Variants in LRRFIP1 observed in about 807,000 individuals in gnomAD.
The protein encoded by LRRFIP1 is LRR binding FLII interacting protein 1, also known as leucine-rich repeat flightless-interacting protein 1.
In LRRFIP1, 62 loss-of-function variants were observed where a neutral mutation model predicts 104.4. The observed-to-expected ratio is 0.59, with a 90% confidence interval of 0.48 to 0.73. LRRFIP1 has a LOEUF of 0.73. Ranked by LOEUF, LRRFIP1 falls within the 30% of genes least tolerant of loss-of-function variation. LRRFIP1 has a pLI of 0.00. For synonymous variants in LRRFIP1, 300 were observed against 299.0 expected (o/e 1.00, Z -0.03); for missense variants, 796 against 824.5 (o/e 0.97, Z 0.42).
At chr2:237,748,064 A>G (rs1423760013) in intron 11 of LRRFIP1, among the ~76,000 whole-genome samples, 4 of 152,144 alleles carry the variant, frequency 2.6e-5, no homozygotes, top group African/African-American at 9.7e-5. Flanking sequence ...TCCGTTCCTC[A>G]TGTGCACCCT....
At chr2:237,771,166 C>T (rs1344779553) in intron 20 of LRRFIP1, among the ~76,000 whole-genome samples, 1 of 152,044 alleles carries the variant, frequency 6.6e-6, no homozygotes, top group Admixed American at 6.5e-5. Flanking sequence ...ATGAAAAGCC[C>T]CCGGAGACCC....
intron 21 of LRRFIP1, 43 bp downstream of exon 21, chr2:237,772,241 G>C: frequency 6.8e-7 from 1 of 1,465,344 alleles, no homozygotes; most frequent in Non-Finnish European, 9.6e-7. Flanking sequence ...TTTCACATGT[G>C]CTGTTTTAGT....
Position 237,627,639 on chromosome 2 carries a change from C to A in LRRFIP1, c.-6C>A. 7.6e-7 allele frequency: 1 copy of A among 1,313,872 alleles called. No homozygotes were observed. The highest frequency in any genetic ancestry group is 9.8e-7 in the Non-Finnish European group (1 of 1,018,838). The allele number at this position is 1,313,872 out of a possible 1,614,324, so 81.4% of individuals were successfully genotyped here. Reference sequence around the variant, plus strand: ...GGCCCCGCGGCAGCTGCGGGCGACGCGGTCGATGGACATGGGCACCCAGGG... The same window carrying A: ...GGCCCCGCGGCAGCTGCGGGCGACGAGGTCGATGGACATGGGCACCCAGGG... On this transcript the variant is annotated 5_prime_UTR_variant, in exon 1 of 24. Coordinates refer to ENST00000308482, the MANE Select transcript of LRRFIP1 (RefSeq NM_001137550.2).
chr2:237,763,546 A>T, intron 19 of LRRFIP1: 1 of 1,613,290 alleles, frequency 6.2e-7, no homozygotes, highest in Non-Finnish European at 8.5e-7. Context: ...AAGAGCAGGT[A>T]AAGTCTACTG....
chr2:237,741,073 C>G (rs889174480), intron 11 of LRRFIP1, among the ~76,000 whole-genome samples: 5 of 152,190 alleles, frequency 3.3e-5, no homozygotes, highest in African/African-American at 1.2e-4. Context: ...TTGTGTTCCA[C>G]CCCTCCCCAT....
chr2:237,771,389 C>T (rs1178715164), intron 20 of LRRFIP1, among the ~76,000 whole-genome samples: 1 of 151,616 alleles, frequency 6.6e-6, no homozygotes, highest in Admixed American at 6.6e-5. Flanking sequence ...TGCACTGAAT[C>T]CACACAAATG....
intron 1 of LRRFIP1, among the ~76,000 whole-genome samples, chr2:237,642,984 C>T (rs1477114003): frequency 2.0e-5 from 3 of 152,220 alleles, no homozygotes; most frequent in Non-Finnish European, 4.4e-5. Flanking sequence ...GGGATAAATC[C>T]GCCTGCTAAC....
Position 237,735,367 on chromosome 2 carries a change from G to C in LRRFIP1, c.555+34G>C. On this transcript the variant is annotated intron_variant, in intron 10 of 23. Transcript: ENST00000308482. The surrounding 1 kb of genome is among the most constrained non-coding windows in gnomAD (Gnocchi z 4.6). ...CTTTCGGTGATACCTCCTTTCCCCC[G>C]TGCCTGCTGCATGGCCTGGGGATGC... is the stretch of plus-strand genomic sequence containing the variant. 2 of 1,600,426 alleles carry C rather than the reference G, an allele frequency of 1.2e-6. No homozygotes were observed. Among genetic ancestry groups the C allele is most frequent in the Non-Finnish European group, 1.7e-6 (2 of 1,173,440 alleles).
At chr2:237,694,408 A>AG (rs1219358376) in intron 1 of LRRFIP1, among the ~76,000 whole-genome samples, 6 of 151,834 alleles carry the variant, frequency 4.0e-5, no homozygotes. Context: ...GTTCCTGTTA[A>AG]GAGGCTAATG....
chr2:237,773,711 G>A (rs1012362293), intron 22 of LRRFIP1: 1 of 152,318 alleles, frequency 6.6e-6, no homozygotes, highest in Admixed American at 6.5e-5. Context: ...GGCAATTTGT[G>A]TTCTAGCCAG....
chr2:237,725,841 A>G (rs187108129), intron 7 of LRRFIP1, among the ~76,000 whole-genome samples: 4 of 152,360 alleles, frequency 2.6e-5, no homozygotes, highest in African/African-American at 9.6e-5. Flanking sequence ...CTGGAGAACT[A>G]CAGTGCAAAG....
At chr2:237,697,411 A>G (rs2093262467) in intron 1 of LRRFIP1, among the ~76,000 whole-genome samples, 1 of 152,188 alleles carries the variant, frequency 6.6e-6, no homozygotes, top group Non-Finnish European at 1.5e-5. Context: ...ACCATGCTAA[A>G]ATGTTAACTA....
In LRRFIP1 at chr2:237,717,900, C is replaced by A; in HGVS notation, c.249+91C>A. On this transcript the variant is annotated intron_variant, in intron 4 of 23. Coordinates refer to ENST00000308482, the MANE Select transcript of LRRFIP1 (RefSeq NM_001137550.2). This position sits in a 1 kb window ranked among gnomAD's most constrained non-coding sequence, Gnocchi z 4.2. ...AATGGTTTATAATGTAATTCTTACGCAGTTTAACTATGTAGATAGATTCCT... is the reference window on the plus strand; with the variant it reads ...AATGGTTTATAATGTAATTCTTACGAAGTTTAACTATGTAGATAGATTCCT... 2 of 1,000,276 alleles carry A rather than the reference C, an allele frequency of 2.0e-6. No individual in the cohort carries two copies. The highest frequency in any genetic ancestry group is 3.2e-6 in the Non-Finnish European group (2 of 619,424). 62.0% of individuals were successfully genotyped at this position (1,000,276 alleles called of 1,614,324 possible).
intron 9 of LRRFIP1, among the ~76,000 whole-genome samples, chr2:237,734,273 CTTTTTTTTTT>C (rs71870330): frequency 0.041 from 3,722 of 90,528 alleles, 91 homozygotes; most frequent in Middle Eastern, 0.19. Flanking sequence ...TGTTAATAAC[CTTTTTTTTTT>C]TTTTTTTTTT....
intron 19 of LRRFIP1, chr2:237,763,140 T>A: frequency 2.5e-6 from 4 of 1,614,100 alleles, no homozygotes; most frequent in Non-Finnish European, 3.4e-6. Flanking sequence ...GAGAAAGAAT[T>A]CACCAACCAG....
At chr2:237,769,786 C>T (rs1375236935) in intron 19 of LRRFIP1, 157 bp from the exon 20 acceptor site, 2 of 637,080 alleles carry the variant, frequency 3.1e-6, no homozygotes, top group East Asian at 5.6e-5. Flanking sequence ...TGGCCTCATT[C>T]ACCCCGTCCT....
chr2:237,728,010 C>A, intron 8 of LRRFIP1, 75 bp downstream of exon 8: 1 of 1,077,044 alleles, frequency 9.3e-7, no homozygotes, highest in South Asian at 1.5e-5. Context: ...AAACTAATTG[C>A]TAAATTTAAA....
At chr2:237,774,202 G>A (rs1485853696) in intron 22 of LRRFIP1, 156 bp from the exon 23 acceptor site, 4 of 602,368 alleles carry the variant, frequency 6.6e-6, no homozygotes, top group Non-Finnish European at 1.2e-5. Flanking sequence ...TAGCTTGCTT[G>A]GCTCAAACCC....
At chr2:237,653,220 C>A (rs1034139120) in intron 1 of LRRFIP1, among the ~76,000 whole-genome samples, 4 of 152,078 alleles carry the variant, frequency 2.6e-5, no homozygotes, top group African/African-American at 9.7e-5. Flanking sequence ...GAGTAATACA[C>A]CCTGTCTCAA....
Sources: gnomAD v4.1 joint callset for allele counts (sites outside exome capture counted in the v4.1 genomes callset) on GRCh38, gnomAD v4.1.1 for gene constraint, Gnocchi (gnomAD v3.1) non-coding constraint, MANE v1.5 for transcripts, NCBI Gene and HGNC (gene_info 2026-07-23, HGNC 2026-07-21) for gene names.